GAS6: variants seen among roughly 807,000 people sequenced by gnomAD.
GAS6 encodes growth arrest specific 6.
Under a neutral mutation model 75.8 loss-of-function variants are expected in GAS6, and 41 were observed. The ratio of observed to expected loss-of-function variants is 0.54; its 90% CI spans 0.42 to 0.70. The LOEUF is 0.70. Among genes scored for constraint, GAS6 ranks in the 30% least tolerant of loss-of-function variants. GAS6 has a pLI of 0.00. For synonymous variants in GAS6, 432 were observed against 412.6 expected (o/e 1.05, Z -0.57); for missense variants, 854 against 940.2 (o/e 0.91, Z 1.20).
rs993735507 is a variant in GAS6, at chr13:113,848,014, A to G, written c.280+12T>C. 1 of 1,612,080 alleles carries G rather than the reference A, an allele frequency of 6.2e-7. No homozygotes were observed. The highest frequency in any genetic ancestry group is 1.7e-5 in the Admixed American group (1 of 59,612). On this transcript the variant is annotated intron_variant, in intron 3 of 14. Transcript: ENST00000327773. This position sits in a 1 kb window ranked among gnomAD's most constrained non-coding sequence, Gnocchi z 4.8. ...CTACGACAACCAGAGTAGAGAAGTA[A>G]TTGAGACTTACCTAAGTATCTTGGG...
intron 4 of GAS6, chr13:113,841,689 ACAGTTTCCTCCATATGCC>A (rs202084825): frequency 0.027 from 1,384 of 51,274 alleles, 11 homozygotes; most frequent in Middle Eastern, 0.05. Flanking sequence ...CATACACCCC[ACAGTTTCCTCCATATGCC>A]CAGTTTCCTC....
chr13:113,834,609 G>C lies in GAS6; in HGVS notation c.776C>G (p.Thr259Ser). The C allele has an allele frequency of 6.2e-7, 1 of 1,604,314 alleles. No individual in the cohort carries two copies. The highest frequency in any genetic ancestry group is 8.5e-7 in the Non-Finnish European group (1 of 1,176,448). The change falls in exon 8 of 15, where the codon ACC (threonine) becomes AGC (serine). Residue 259 changes from threonine to serine, a missense_variant. Transcript: ENST00000327773. ...GCCCCCACGCCCGTCACAGTGGCAG[G>C]TGTAGCTCCCTGGGGAGTTCACGCA... ...QVCVNSPGSY[T>S]CHCDGRGGLK...
chr13:113,857,354 A>C (rs12585333), intron 2 of GAS6, among the ~76,000 whole-genome samples: 2 of 152,172 alleles, frequency 1.3e-5, no homozygotes, highest in African/African-American at 4.8e-5. Context: ...CCCCTTTAAA[A>C]TTTATTTTAA....
chr13:113,857,595 C>T (rs929971137), intron 2 of GAS6, among the ~76,000 whole-genome samples: 8 of 152,238 alleles, frequency 5.3e-5, no homozygotes, highest in South Asian at 2.1e-4. Context: ...GCCTGTCAAT[C>T]GCTCTGGGGT....
chr13:113,840,050 C>G (rs117486293), intron 4 of GAS6, 200 bp from the exon 5 acceptor site: 3 of 666,508 alleles, frequency 4.5e-6, no homozygotes, highest in Admixed American at 6.5e-5. Flanking sequence ...GCCCTGGGGC[C>G]GGCTCCAGGA....
chr13:113,821,206 C>T (rs2051453446), intron 14 of GAS6, 188 bp from the exon 15 acceptor site: 1 of 627,788 alleles, frequency 1.6e-6, no homozygotes, highest in Non-Finnish European at 2.8e-6. Flanking sequence ...CAGGAGGCAT[C>T]TGCCAGCCTG....
chr13:113,823,232 C>T, intron 13 of GAS6, 143 bp downstream of exon 13: 1 of 914,480 alleles, frequency 1.1e-6, no homozygotes, highest in Non-Finnish European at 1.6e-6. Context: ...CCACGCCGGG[C>T]TTGGCTCATC....
At chr13:113,850,516 A>T (rs1566371833) in intron 2 of GAS6, among the ~76,000 whole-genome samples, 1 of 152,070 alleles carries the variant, frequency 6.6e-6, no homozygotes, top group Non-Finnish European at 1.5e-5. Context: ...TTCCCCGGGG[A>T]TCTGCTTCTG....
At chr13:113,831,752 G>A (rs1032343213) in intron 10 of GAS6, among the ~76,000 whole-genome samples, 6 of 150,958 alleles carry the variant, frequency 4.0e-5, no homozygotes, top group African/African-American at 9.8e-5. Flanking sequence ...AGGGGTCCCC[G>A]TCCCCCGGAG....
chr13:113,828,866 CA>C, intron 10 of GAS6, among the ~76,000 whole-genome samples, 155 bp from the exon 11 acceptor site: 2 of 146,626 alleles, frequency 1.4e-5, no homozygotes, highest in African/African-American at 5.2e-5. Context: ...GTCCCAACCT[CA>C]GGGAGACCAC....
At chr13:113,840,342 GC>G in intron 4 of GAS6, 2 of 163,924 alleles carry the variant, frequency 1.2e-5, no homozygotes, top group Admixed American at 6.5e-5. Flanking sequence ...CCTCCAGGAA[GC>G]CCCCCTCTTT....
chr13:113,846,891 G>A, intron 3 of GAS6: 1 of 489,030 alleles, frequency 2.0e-6, no homozygotes, highest in Non-Finnish European at 3.9e-6. Context: ...GGAATGCTCA[G>A]TAAGTTCCTG....
At chr13:113,822,407 G>A (rs2051473215) in intron 13 of GAS6, 1 of 464,556 alleles carries the variant, frequency 2.2e-6, no homozygotes, top group Non-Finnish European at 3.8e-6. Flanking sequence ...GCCAGCCTGG[G>A]AGGCTGTGGG....
intron 2 of GAS6, among the ~76,000 whole-genome samples, chr13:113,857,518 T>C (rs915016283): frequency 3.9e-5 from 6 of 152,204 alleles, no homozygotes; most frequent in Admixed American, 2.0e-4. Flanking sequence ...CAGCTTTGCA[T>C]TGGAGAAACA....
chr13:113,821,601 C>T (rs910100361), intron 14 of GAS6: 52 of 306,456 alleles, frequency 1.7e-4, no homozygotes, highest in Admixed American at 3.3e-4. Flanking sequence ...CTAACAGCTG[C>T]GGTGACAGCC....
In GAS6 at chr13:113,837,997, G is replaced by C. The variant is rs1456199305; in HGVS notation, c.589+72C>G. 6.3e-7 allele frequency: 1 copy of C among 1,575,158 alleles called. No homozygotes were observed. Among genetic ancestry groups the C allele is most frequent in the East Asian group, 2.2e-5 (1 of 44,452 alleles). Reference sequence around the variant, plus strand: ...ACCCAGCCAGCAGCAGCCGCTTGCAGAAGAGCAGACATGACCGAAAATAGA... The same window carrying C: ...ACCCAGCCAGCAGCAGCCGCTTGCACAAGAGCAGACATGACCGAAAATAGA... On this transcript the variant is annotated intron_variant, in intron 6 of 14. Coordinates refer to ENST00000327773, the MANE Select transcript of GAS6 (RefSeq NM_000820.4). This position sits in a 1 kb window ranked among gnomAD's most constrained non-coding sequence, Gnocchi z 5.1.
rs559921206 is a variant in GAS6, at chr13:113,863,547, C to T, written c.255+28G>A. On this transcript the variant is annotated intron_variant, in intron 2 of 14. Coordinates refer to ENST00000327773, the MANE Select transcript of GAS6 (RefSeq NM_000820.4). The surrounding 1 kb of genome is among the most constrained non-coding windows in gnomAD (Gnocchi z 9.4). ...GGAGGCGCGCGGGCGCCAGGGGTTCCCCCGCATCCCGCCCGCCGGCTGCTC... is the reference window on the plus strand; with the variant it reads ...GGAGGCGCGCGGGCGCCAGGGGTTCTCCCGCATCCCGCCCGCCGGCTGCTC... 53 of 1,495,396 alleles carry T rather than the reference C, an allele frequency of 3.5e-5. No homozygotes were observed. In the South Asian group the frequency reaches 5.5e-4, roughly 15 times the overall value. The allele number at this position is 1,495,396 out of a possible 1,614,324, so 92.6% of individuals were successfully genotyped here. A position where few individuals can be genotyped will look rare whatever the true frequency, so the allele number is the denominator to read the frequency against.
In GAS6 at chr13:113,848,037, G is replaced by A. The variant is rs2051847324; in HGVS notation, c.269C>T (p.Pro90Leu). 3 of 1,612,812 alleles carry A rather than the reference G, an allele frequency of 1.9e-6. No homozygotes were observed. The highest frequency in any genetic ancestry group is 2.5e-6 in the Non-Finnish European group (3 of 1,179,526). Residue 90 changes from proline to leucine, a missense_variant, in exon 3 of 15, where the codon CCA becomes CTA. Coordinates refer to ENST00000327773, the MANE Select transcript of GAS6 (RefSeq NM_000820.4). The surrounding 1 kb of genome is among the most constrained non-coding windows in gnomAD (Gnocchi z 4.8). Reference protein sequence around the residue: ...ENDPETDYFYPRYLDCINKYG... With the variant: ...ENDPETDYFYLRYLDCINKYG... ...TAATTGAGACTTACCTAAGTATCTT[G>A]GGTAAAAATAATCCTGTGGAAAAAG...
chr13:113,831,075 G>T (rs1000777321), intron 10 of GAS6, among the ~76,000 whole-genome samples: 3 of 152,288 alleles, frequency 2.0e-5, no homozygotes, highest in Non-Finnish European at 2.9e-5. Flanking sequence ...TGCAAGCCCA[G>T]TATGGTGAGG....
Sources: gnomAD v4.1 joint callset for allele counts (sites outside exome capture counted in the v4.1 genomes callset) on GRCh38, gnomAD v4.1.1 for gene constraint, Gnocchi (gnomAD v3.1) non-coding constraint, MANE v1.5 for transcripts, NCBI Gene and HGNC (gene_info 2026-07-23, HGNC 2026-07-21) for gene names.